PTPRD: variants seen among roughly 807,000 people sequenced by gnomAD.
The protein encoded by PTPRD is protein tyrosine phosphatase receptor type D.
PTPRD carries 34 observed loss-of-function variants against 214.5 expected under a neutral mutation model. The observed-to-expected ratio is 0.16, with a 90% CI of 0.12 to 0.21. The LOEUF (loss-of-function observed/expected upper bound fraction) is 0.21. PTPRD is among the 10% of genes least tolerant of loss of function. The pLI is 1.00. For synonymous variants in PTPRD, 1,128 were observed against 845.7 expected (o/e 1.33, Z -5.79); for missense variants, 2,545 against 2,398.7 (o/e 1.06, Z -1.27).
chr9:9,979,947 G>C (rs2095483701), intron 4 of PTPRD, among the ~76,000 whole-genome samples: 1 of 152,136 alleles, frequency 6.6e-6, no homozygotes, highest in Admixed American at 6.5e-5. Context: ...ACTGAGAAAA[G>C]TAAAATTCGA....
At chr9:8,891,654 C>T (rs943453857) in intron 11 of PTPRD, among the ~76,000 whole-genome samples, 5 of 152,164 alleles carry the variant, frequency 3.3e-5, no homozygotes, top group African/African-American at 4.8e-5. Context: ...CTGCAATGGA[C>T]GCAGCGATGG....
At chr9:9,557,094 C>T (rs2081718263) in intron 8 of PTPRD, among the ~76,000 whole-genome samples, 2 of 152,166 alleles carry the variant, frequency 1.3e-5, no homozygotes, top group African/African-American at 4.8e-5. Context: ...ATCCTTTCAG[C>T]AAATTGTCTG....
At chr9:8,361,762 C>T (rs1217015816) in intron 39 of PTPRD, among the ~76,000 whole-genome samples, 3 of 152,172 alleles carry the variant, frequency 2.0e-5, no homozygotes, top group Non-Finnish European at 4.4e-5. Flanking sequence ...TACATTCTCT[C>T]CACTTTGGGG....
intron 8 of PTPRD, among the ~76,000 whole-genome samples, chr9:9,458,503 A>C (rs2093314942): frequency 6.6e-6 from 1 of 152,066 alleles, no homozygotes. Context: ...AAATGTATGA[A>C]GTGTATGAAA....
At chr9:8,525,951 C>T (rs2073995760) in intron 17 of PTPRD, among the ~76,000 whole-genome samples, 1 of 151,318 alleles carries the variant, frequency 6.6e-6, no homozygotes, top group Non-Finnish European at 1.5e-5. Context: ...GACAGAAGAT[C>T]CAAAAATCCG....
At chr9:9,520,693 A>G (rs977789634) in intron 8 of PTPRD, among the ~76,000 whole-genome samples, 5 of 152,210 alleles carry the variant, frequency 3.3e-5, no homozygotes, top group African/African-American at 1.2e-4. Flanking sequence ...TGGCAGCTGG[A>G]GAAACCTTTT....
intron 5 of PTPRD, among the ~76,000 whole-genome samples, chr9:9,837,904 G>T (rs566223536): frequency 6.6e-6 from 1 of 152,146 alleles, no homozygotes; most frequent in African/African-American, 2.4e-5. Flanking sequence ...ATCTCCTAAT[G>T]TTATCCCTCC....
At chr9:8,529,598 A>C (rs2075150201) in intron 14 of PTPRD, among the ~76,000 whole-genome samples, 2 of 152,132 alleles carry the variant, frequency 1.3e-5, no homozygotes, top group Non-Finnish European at 2.9e-5. Context: ...ACCCACATCG[A>C]AACTGTTCCA....
chr9:10,430,424 A>ATC (rs1361367261), intron 2 of PTPRD, among the ~76,000 whole-genome samples: 1 of 151,908 alleles, frequency 6.6e-6, no homozygotes, highest in Non-Finnish European at 1.5e-5. Flanking sequence ...CTATATACAG[A>ATC]TAGATAGATA....
At chr9:10,331,212 T>TA (rs1170445606) in intron 3 of PTPRD, among the ~76,000 whole-genome samples, 1 of 151,900 alleles carries the variant, frequency 6.6e-6, no homozygotes, top group Non-Finnish European at 1.5e-5. Flanking sequence ...CTAACGCAGA[T>TA]ACTGGTTTGA....
At chr9:10,139,648 G>T (rs901494207) in intron 3 of PTPRD, among the ~76,000 whole-genome samples, 19 of 151,936 alleles carry the variant, frequency 1.3e-4, no homozygotes, top group Non-Finnish European at 2.2e-4. Context: ...GGACTACAAG[G>T]GTACAGGAAC....
chr9:9,935,692 C>A lies in PTPRD; in HGVS notation c.-368+2815G>T, dbSNP rs569797265. ...ATTCAATGCCATCCCCATCAAGCTA[C>A]CAATGACTTTCTTCACAGAATTGGA... On this transcript the variant is annotated intron_variant, in intron 5 of 45. Transcript: ENST00000381196. Among the ~76,000 whole-genome samples the A allele has an allele frequency of 1.7e-3, 251 of 146,484 alleles. 3 individuals carry two copies. The highest frequency in any genetic ancestry group is 4.6e-3 in the African/African-American group (165 of 36,068).
At position 8,544,164 on chromosome 9, in the gene PTPRD, C is replaced by CTTTTT. The variant is rs373194856; in HGVS notation, c.353-15390_353-15386dup. Among the ~76,000 whole-genome samples the CTTTTT allele has an allele frequency of 3.4e-3, 381 of 111,108 alleles. 8 individuals are homozygous for CTTTTT. The highest frequency in any genetic ancestry group is 0.011 in the African/African-American group (291 of 27,456). The allele number at this position is 111,108 out of a possible 152,430, so 72.9% of individuals were successfully genotyped here. On this transcript the variant is annotated intron_variant, in intron 14 of 45. Coordinates refer to ENST00000381196, the MANE Select transcript of PTPRD (RefSeq NM_002839.4). ...GTGCAAAAGTAAGGTTTTGCCATTA[C>CTTTTT]TTTTTTTTTTTTTTTTTTTTTGAGA...
In PTPRD at chr9:10,420,796, G is replaced by C. The variant is rs1381838602; in HGVS notation, c.-599-79779C>G. 4.0e-5 allele frequency among the ~76,000 whole-genome samples: 6 copies of C among 151,802 alleles called. No homozygotes were observed. The South Asian group carries it at 1.0e-3, about 26-fold the overall frequency. Reference sequence around the variant, plus strand: ...ATTCTTTATCACTTAAATATTGTTAGATATTTCAGTGTGCTTTTATACTGT... The same window carrying C: ...ATTCTTTATCACTTAAATATTGTTACATATTTCAGTGTGCTTTTATACTGT... On this transcript the variant is annotated intron_variant, in intron 2 of 45. Transcript: ENST00000381196.
intron 3 of PTPRD, among the ~76,000 whole-genome samples, chr9:10,307,247 C>G (rs976475354): frequency 6.6e-6 from 1 of 152,052 alleles, no homozygotes; most frequent in African/African-American, 2.4e-5. Context: ...CACACAAATC[C>G]TTCCCGGGAT....
chr9:8,607,629 C>G (rs560749949), intron 14 of PTPRD, among the ~76,000 whole-genome samples: 2 of 151,628 alleles, frequency 1.3e-5, no homozygotes, highest in Non-Finnish European at 2.9e-5. Context: ...GGAGACTGAG[C>G]GAGATTCTGT....
In PTPRD at chr9:9,748,621, C is replaced by T. The variant is rs114887949; in HGVS notation, c.-325-14050G>A. Among the ~76,000 whole-genome samples the T allele has an allele frequency of 2.3e-3, 346 of 152,328 alleles. 2 individuals are homozygous for T. Among genetic ancestry groups the T allele is most frequent in the African/African-American group, 8.1e-3 (335 of 41,576 alleles). ...GTACTGAAGGAACTACAACCAATTT[C>T]AATGACTGATAGCTGCTGAAGTCAC... On this transcript the variant is annotated intron_variant, in intron 6 of 45. Transcript: ENST00000381196.
In PTPRD at chr9:8,314,986, T is replaced by C. The variant is rs1820960603; in HGVS notation, c.*2888A>G. The C allele has an allele frequency of 4.3e-6, 1 of 232,458 alleles. No homozygotes were observed. The highest frequency in any genetic ancestry group is 8.5e-6 in the Non-Finnish European group (1 of 117,312). The allele number at this position is 232,458 out of a possible 1,614,324, so 14.4% of individuals were successfully genotyped here. On this transcript the variant is annotated 3_prime_UTR_variant, in exon 46 of 46. Transcript: ENST00000381196. ...AGTTCTGTACAAATCACTTTTTATA[T>C]ATTTTGATTTTTTTTACCATTGTAA... is the stretch of plus-strand genomic sequence containing the variant.
chr9:9,818,294 G>A (rs953977993), intron 5 of PTPRD, among the ~76,000 whole-genome samples: 2 of 152,084 alleles, frequency 1.3e-5, no homozygotes, highest in African/African-American at 4.8e-5. Flanking sequence ...CTGCCAATGT[G>A]TAAAATCAAA....
Sources: allele counts gnomAD v4.1 joint callset (sites outside exome capture counted in the v4.1 genomes callset), GRCh38; gene constraint gnomAD v4.1.1; transcripts MANE v1.5; gene names NCBI Gene and HGNC (gene_info 2026-07-23, HGNC 2026-07-21).